RNF31: variants seen among roughly 807,000 people sequenced by gnomAD.
The protein encoded by RNF31 is E3 ubiquitin-protein ligase RNF31.
RNF31 carries 38 observed loss-of-function variants against 133.6 expected under a neutral mutation model. The observed-to-expected ratio is 0.28, with a 90% CI of 0.22 to 0.37. The LOEUF (loss-of-function observed/expected upper bound fraction) is 0.37. RNF31 is among the 10% of genes least tolerant of loss of function. RNF31 has a pLI of 1.00. For missense variants in RNF31, 1,118 were observed against 1,394.1 expected (o/e 0.80, Z 3.15); for synonymous variants, 582 against 552.3 (o/e 1.05, Z -0.75).
chr14:24,150,568 T>G (rs1692397951), intron 7 of RNF31, 30 bp from the exon 8 acceptor site: 1 of 1,593,440 alleles, frequency 6.3e-7, no homozygotes, highest in African/African-American at 1.3e-5. Context: ...AGCCAGCCAG[T>G]CAAAGGGATA....
chr14:24,158,546 A>G, intron 18 of RNF31: 2 of 338,278 alleles, frequency 5.9e-6, no homozygotes, highest in Non-Finnish European at 5.5e-6. Context: ...AGGGCAACAG[A>G]AAGGTGTTAC....
chr14:24,148,455 C>T, intron 3 of RNF31, 42 bp downstream of exon 3: 1 of 1,613,320 alleles, frequency 6.2e-7, no homozygotes, highest in Non-Finnish European at 8.5e-7. Flanking sequence ...TGCACCAGGG[C>T]TGGGGAGCCC....
At chr14:24,149,101 T>C (rs1352457060) in intron 5 of RNF31, 4 of 604,538 alleles carry the variant, frequency 6.6e-6, no homozygotes, top group Non-Finnish European at 1.2e-5. Context: ...GTAGCTGGGA[T>C]TACAGGCATG....
chr14:24,151,303 C>A lies in RNF31; in HGVS notation c.1661C>A (p.Ala554Asp). 1 of 1,614,202 alleles carries A rather than the reference C, an allele frequency of 6.2e-7. No individual in the cohort carries two copies. The highest frequency in any genetic ancestry group is 8.5e-7 in the Non-Finnish European group (1 of 1,180,034). The change falls in exon 9 of 21, where the codon GCC becomes GAC. Residue 554 changes from alanine (A) to aspartate (D), a missense_variant. By Grantham distance (126) the Ala-to-Asp change is moderately radical. This residue lies in a region of RNF31 where 747 missense variants were observed against 827.9 expected (regional missense o/e 0.90). Coordinates refer to ENST00000324103, the MANE Select transcript of RNF31 (RefSeq NM_017999.5). This position sits in a 1 kb window ranked among gnomAD's most constrained non-coding sequence, Gnocchi z 5.3. ...CTGGGTGCCTTTTCCTGTCAGGAGG[C>A]CCGGAGAGCCTGGCTGGATCGTCAT... is the stretch of plus-strand genomic sequence containing the variant. ...PGLGAFSCQEARRAWLDRHGN... is the reference protein window; with the variant it reads ...PGLGAFSCQEDRRAWLDRHGN...
Position 24,160,616 on chromosome 14 carries a change from T to C in RNF31, c.*43T>C, listed in dbSNP as rs1431423788. 3 of 1,455,736 alleles carry C rather than the reference T, an allele frequency of 2.1e-6. No homozygotes were observed. The highest frequency in any genetic ancestry group is 2.4e-5 in the Admixed American group (1 of 41,960). The allele number at this position is 1,455,736 out of a possible 1,614,324, so 90.2% of individuals were successfully genotyped here. A position where few individuals can be genotyped will look rare whatever the true frequency, so the allele number is the denominator to read the frequency against. On this transcript the variant is annotated 3_prime_UTR_variant, in exon 21 of 21. Transcript: ENST00000324103. This position sits in a 1 kb window ranked among gnomAD's most constrained non-coding sequence, Gnocchi z 4.0. ...GATGAGGGTCCCATGGCCTGCTCCC[T>C]CAGGAACAGCTCCAGCACCAATAAA... is the stretch of plus-strand genomic sequence containing the variant.
At position 24,157,341 on chromosome 14, in the gene RNF31, C is replaced by T. The variant is rs777889587; in HGVS notation, c.2545C>T (p.Arg849Cys). 15 of 1,612,648 alleles carry T rather than the reference C, an allele frequency of 9.3e-6. No individual in the cohort carries two copies. The highest frequency in any genetic ancestry group is 2.2e-5 in the East Asian group (1 of 44,852). ...CTGTGAGGACTTCCAGAACTGGAAA[C>T]GCATGAACGACCCAGAATACCAGGC... ...RSCEDFQNWKRMNDPEYQAQG... is the reference protein window; with the variant it reads ...RSCEDFQNWKCMNDPEYQAQG... Residue 849 changes from arginine (R) to cysteine (C), a missense_variant, in exon 15 of 21, where the codon CGC (arginine) becomes TGC (cysteine). Arg to Cys is a radical substitution (Grantham distance 180). Transcript: ENST00000324103.
chr14:24,158,465 T>A (rs1476552846), intron 18 of RNF31: 1 of 516,188 alleles, frequency 1.9e-6, no homozygotes, highest in Non-Finnish European at 3.4e-6. Context: ...CAAATGATCA[T>A]AATTAATTAA....
chr14:24,148,216 C>G (rs371941143), intron 2 of RNF31, 42 bp from the exon 3 acceptor site: 1 of 1,613,546 alleles, frequency 6.2e-7, no homozygotes, highest in African/African-American at 1.3e-5. Context: ...CCCTACTAGG[C>G]AGGAAACCTC....
At chr14:24,152,422 T>TTTAC (rs201025543) in intron 11 of RNF31, among the ~76,000 whole-genome samples, 13,037 of 151,784 alleles carry the variant, frequency 0.086, 839 homozygotes, top group East Asian at 0.35. Context: ...TATTTATTTA[T>TTTAC]TTACTTATTT....
Position 24,160,477 on chromosome 14 carries a change from G to A in RNF31, c.3166-43G>A, listed in dbSNP as rs1370206049. 2.5e-6 allele frequency: 4 copies of A among 1,573,538 alleles called. No individual in the cohort carries two copies. The highest frequency in any genetic ancestry group is 3.5e-6 in the Non-Finnish European group (4 of 1,155,412). On this transcript the variant is annotated intron_variant, in intron 20 of 20. Transcript: ENST00000324103. This position sits in a 1 kb window ranked among gnomAD's most constrained non-coding sequence, Gnocchi z 4.0. Reference sequence around the variant, plus strand: ...GTCACCTGGTGCTGACTGTGTCTGAGCTCCAGGCTTCCAATATCATTACCT... The same window carrying A: ...GTCACCTGGTGCTGACTGTGTCTGAACTCCAGGCTTCCAATATCATTACCT...
rs1479875059 is a variant in RNF31, at chr14:24,151,807, G to A, written c.1945G>A (p.Ala649Thr). The A allele has an allele frequency of 6.2e-7, 1 of 1,611,024 alleles. No homozygotes were observed. The highest frequency in any genetic ancestry group is 1.1e-5 in the South Asian group (1 of 90,906). The change falls in exon 11 of 21, where the codon GCA becomes ACA. Residue 649 changes from alanine to threonine, a missense_variant. Coordinates refer to ENST00000324103, the MANE Select transcript of RNF31 (RefSeq NM_017999.5). This position sits in a 1 kb window ranked among gnomAD's most constrained non-coding sequence, Gnocchi z 5.3. ...DKQSLVRRLL[A>T]VYALPSWGRA... ...GCAGAGCCTGGTCAGGCGGCTTTTG[G>A]CAGTCTACGCACTCCCCAGCTGGGG...
intron 6 of RNF31, 73 bp downstream of exon 6, chr14:24,149,656 C>G (rs2038232959): frequency 1.4e-6 from 2 of 1,446,634 alleles, no homozygotes; most frequent in South Asian, 2.4e-5. Flanking sequence ...GACTACCTGC[C>G]AGTTTCTGTG....
Position 24,160,091 on chromosome 14 carries a change from C to A in RNF31, c.2996+131C>A. On this transcript the variant is annotated intron_variant, in intron 19 of 20. Coordinates refer to ENST00000324103, the MANE Select transcript of RNF31 (RefSeq NM_017999.5). The surrounding 1 kb of genome is among the most constrained non-coding windows in gnomAD (Gnocchi z 4.0). ...GGTGGGAGGGAGGAGGCTTTCTGGGCAAGGGCATGGGTAGATAGTAGCAGG... is the reference window on the plus strand; with the variant it reads ...GGTGGGAGGGAGGAGGCTTTCTGGGAAAGGGCATGGGTAGATAGTAGCAGG... The A allele has an allele frequency of 1.5e-6, 2 of 1,313,854 alleles. No homozygotes were observed. Among genetic ancestry groups the A allele is most frequent in the East Asian group, 2.3e-5 (1 of 42,698 alleles). 81.4% of individuals were successfully genotyped at this position (1,313,854 alleles called of 1,614,324 possible).
In RNF31 at chr14:24,148,077, C is replaced by G; in HGVS notation, c.294C>G (p.Val98=). The change falls in exon 2 of 21, where the codon GTC becomes GTG. Residue 98 remains valine (V), a synonymous_variant. Coordinates refer to ENST00000324103, the MANE Select transcript of RNF31 (RefSeq NM_017999.5). Reference sequence around the variant, plus strand: ...AGCGGCCTCGGTACTGGCGTGGTGTCAAGTTTAATAACCCTGTCTTTCGCA... The same window carrying G: ...AGCGGCCTCGGTACTGGCGTGGTGTGAAGTTTAATAACCCTGTCTTTCGCA... ...SPQRPRYWRG[V]KFNNPVFRST... 1 of 1,614,208 alleles carries G rather than the reference C, an allele frequency of 6.2e-7. No individual in the cohort carries two copies. Among genetic ancestry groups the G allele is most frequent in the East Asian group, 2.2e-5 (1 of 44,880 alleles).
At position 24,148,335 on chromosome 14, in the gene RNF31, G is replaced by A; in HGVS notation, c.417G>A (p.Glu139=). Residue 139 remains glutamate, a synonymous_variant, in exon 3 of 21, where the codon GAG becomes GAA. Coordinates refer to ENST00000324103, the MANE Select transcript of RNF31 (RefSeq NM_017999.5). ...GGTTGAGCTTCCCCGAAGGGCAGGAGGAGCCAGATGAGCACCAGGTTGCTA... is the reference window on the plus strand; with the variant it reads ...GGTTGAGCTTCCCCGAAGGGCAGGAAGAGCCAGATGAGCACCAGGTTGCTA... The part of the protein sequence containing the change: ...PDGLSFPEGQ[E]EPDEHQVATV... 1.2e-6 allele frequency: 2 copies of A among 1,614,220 alleles called. No individual in the cohort carries two copies. Among genetic ancestry groups the A allele is most frequent in the Non-Finnish European group, 1.7e-6 (2 of 1,180,042 alleles).
In RNF31 at chr14:24,151,760, C is replaced by T. The variant is rs2038270392; in HGVS notation, c.1924-26C>T. 6.2e-7 allele frequency: 1 copy of T among 1,600,564 alleles called. No individual in the cohort carries two copies. The highest frequency in any genetic ancestry group is 1.3e-5 in the African/African-American group (1 of 74,790). On this transcript the variant is annotated intron_variant, in intron 10 of 20. Coordinates refer to ENST00000324103, the MANE Select transcript of RNF31 (RefSeq NM_017999.5). The surrounding 1 kb of genome is among the most constrained non-coding windows in gnomAD (Gnocchi z 5.3). ...GGTCCCTGGAGTCTGACAGCACTTC[C>T]CCCCTCCACCTGAATCATATTGCAG...
chr14:24,148,017 C>T lies in RNF31; in HGVS notation c.234C>T (p.Ile78=). 2 of 1,614,238 alleles carry T rather than the reference C, an allele frequency of 1.2e-6. No homozygotes were observed. The highest frequency in any genetic ancestry group is 8.5e-7 in the Non-Finnish European group (1 of 1,180,048). The change falls in exon 2 of 21, where the codon ATC becomes ATT. Residue 78 remains isoleucine, a synonymous_variant. Coordinates refer to ENST00000324103, the MANE Select transcript of RNF31 (RefSeq NM_017999.5). ...YLNTLSTALN[I]LEKYGRNLLS... ...ACACCCTGTCCACGGCTCTGAACAT[C>T]CTGGAGAAATACGGCCGCAACCTTC...
chr14:24,155,136 C>G lies in RNF31; in HGVS notation c.2131-21C>G. The stretch of plus-strand genomic sequence containing the variant: ...CAGCTGTGGCTTCTGACCCCCTCCC[C>G]TCCAACCCCTCACCCTCCAGATGCA... On this transcript the variant is annotated intron_variant, in intron 11 of 20. Coordinates refer to ENST00000324103, the MANE Select transcript of RNF31 (RefSeq NM_017999.5). The surrounding 1 kb of genome is among the most constrained non-coding windows in gnomAD (Gnocchi z 4.9). 1.9e-6 allele frequency: 3 copies of G among 1,609,870 alleles called. No homozygotes were observed. The highest frequency in any genetic ancestry group is 2.5e-6 in the Non-Finnish European group (3 of 1,176,716).
chr14:24,151,725 T>A lies in RNF31; in HGVS notation c.1923+55T>A. ...TCCACCTAGAGGAGCAAGAGGGAGC[T>A]GAGGGGAAGGGTCCCTGGAGTCTGA... is the stretch of plus-strand genomic sequence containing the variant. On this transcript the variant is annotated intron_variant, in intron 10 of 20. Transcript: ENST00000324103. This position sits in a 1 kb window ranked among gnomAD's most constrained non-coding sequence, Gnocchi z 5.3. 1 of 1,601,900 alleles carries A rather than the reference T, an allele frequency of 6.2e-7. No individual in the cohort carries two copies.
Sources: gnomAD v4.1 joint callset for allele counts (sites outside exome capture counted in the v4.1 genomes callset) on GRCh38, gnomAD v4.1.1 for gene constraint, gnomAD v4.1.1 regional missense constraint, Gnocchi (gnomAD v3.1) non-coding constraint, MANE v1.5 for transcripts, NCBI Gene and HGNC (gene_info 2026-07-23, HGNC 2026-07-21) for gene names.